Variants in CGNL1 observed in about 807,000 individuals in gnomAD.
CGNL1 encodes cingulin like 1.
CGNL1 carries 132 observed loss-of-function variants against 141.2 expected under a neutral mutation model. That is an observed-to-expected ratio of 0.93 (90% CI 0.81 to 1.08). CGNL1 has a LOEUF of 1.08. CGNL1 is among the 50% of genes least tolerant of loss of function. The pLI is 0.00. For synonymous variants in CGNL1, 690 were observed against 622.1 expected, an observed-to-expected ratio of 1.11 and a Z score of -1.63; for missense variants, 1,870 against 1,588.6, an observed-to-expected ratio of 1.18 and a Z score of -3.01.
chr15:57,523,614 C>A lies in CGNL1; in HGVS notation c.2841C>A (p.Gly947=). 1.2e-6 allele frequency: 2 copies of A among 1,614,044 alleles called. No individual in the cohort carries two copies. Among genetic ancestry groups the A allele is most frequent in the African/African-American group, 1.3e-5 (1 of 74,980 alleles). The part of the protein sequence containing the change: ...NEMENERWHL[G]KTIEKLQKEM... ...TGGAGAATGAGCGGTGGCACCTGGG[C>A]AAAACCATTGAGAAACTGCAGAAGG... Residue 947 remains glycine (G), a synonymous_variant, in exon 11 of 19, where the codon GGC becomes GGA. Transcript: ENST00000281282.
At chr15:57,418,968 C>T (rs927234221) in intron 1 of CGNL1, among the ~76,000 whole-genome samples, 1 of 151,730 alleles carries the variant, frequency 6.6e-6, no homozygotes, top group Non-Finnish European at 1.5e-5. Flanking sequence ...TGCTCTGTCG[C>T]TCAGGCTGGT....
chr15:57,441,286 G>A (rs1325359384), intron 3 of CGNL1, among the ~76,000 whole-genome samples: 1 of 152,054 alleles, frequency 6.6e-6, no homozygotes, highest in Non-Finnish European at 1.5e-5. Flanking sequence ...ATCTAGCTAA[G>A]AACTGGTTAT....
intron 8 of CGNL1, among the ~76,000 whole-genome samples, chr15:57,512,055 T>G (rs971664945): frequency 1.6e-4 from 24 of 152,204 alleles, no homozygotes; most frequent in African/African-American, 5.8e-4. Flanking sequence ...AACTTCCACT[T>G]GAGTTGCTCT....
intron 8 of CGNL1, chr15:57,477,528 A>C (rs894340002): frequency 5.3e-5 from 8 of 152,180 alleles, no homozygotes; most frequent in African/African-American, 1.9e-4. Context: ...ATGACCCTAA[A>C]CTTGAGTCCA....
intron 10 of CGNL1, 29 bp from the exon 11 acceptor site, chr15:57,523,460 C>T: frequency 1.9e-6 from 3 of 1,612,664 alleles, no homozygotes; most frequent in Non-Finnish European, 2.5e-6. Flanking sequence ...TAGTAGGTGA[C>T]AGCACTGTCC....
intron 1 of CGNL1, among the ~76,000 whole-genome samples, chr15:57,386,494 G>A (rs1312374427): frequency 6.6e-6 from 1 of 152,178 alleles, no homozygotes; most frequent in Admixed American, 6.5e-5. Flanking sequence ...TACGGGCATA[G>A]TAGGAGGCCC....
chr15:57,466,145 T>A (rs1402412015), intron 8 of CGNL1, among the ~76,000 whole-genome samples: 2 of 152,190 alleles, frequency 1.3e-5, no homozygotes, highest in African/African-American at 4.8e-5. Context: ...GTTAGGAGAG[T>A]ATATCTACCA....
chr15:57,502,799 G>A (rs1485163525), intron 8 of CGNL1, among the ~76,000 whole-genome samples: 1 of 152,154 alleles, frequency 6.6e-6, no homozygotes, highest in Non-Finnish European at 1.5e-5. Context: ...ATCAATGGTG[G>A]ATACTTCAAT....
chr15:57,441,311 G>A (rs1265462873), intron 3 of CGNL1, among the ~76,000 whole-genome samples: 2 of 152,006 alleles, frequency 1.3e-5, no homozygotes, highest in African/African-American at 4.8e-5. Flanking sequence ...ATCTCCCTGT[G>A]GAAGACTTTA....
At chr15:57,456,728 T>A (rs1456642585) in intron 7 of CGNL1, among the ~76,000 whole-genome samples, 1 of 152,030 alleles carries the variant, frequency 6.6e-6, no homozygotes. Context: ...GGGTGACAGG[T>A]CAACGTGAGA....
At chr15:57,416,560 T>C (rs1442480280) in intron 1 of CGNL1, among the ~76,000 whole-genome samples, 1 of 152,208 alleles carries the variant, frequency 6.6e-6, no homozygotes, top group Non-Finnish European at 1.5e-5. Flanking sequence ...GCCATCTTGC[T>C]TCTGTTTTGA....
At chr15:57,401,724 G>T (rs915440476) in intron 1 of CGNL1, among the ~76,000 whole-genome samples, 2 of 152,032 alleles carry the variant, frequency 1.3e-5, no homozygotes, top group Non-Finnish European at 2.9e-5. Context: ...TCCTTATGAC[G>T]CATTCTGTGG....
chr15:57,383,292 CTTTT>C (rs59213732), intron 1 of CGNL1, among the ~76,000 whole-genome samples: 1 of 109,602 alleles, frequency 9.1e-6, no homozygotes, highest in Admixed American at 9.0e-5. Flanking sequence ...TTCTTTCTTC[CTTTT>C]TTTTTTTTTG....
intron 1 of CGNL1, among the ~76,000 whole-genome samples, chr15:57,410,886 A>G (rs1437007739): frequency 1.3e-5 from 2 of 152,218 alleles, no homozygotes; most frequent in African/African-American, 4.8e-5. Flanking sequence ...GTCTTGTCAG[A>G]TTCAGTGGGG....
intron 7 of CGNL1, 114 bp downstream of exon 7, chr15:57,453,932 T>G: frequency 8.4e-7 from 1 of 1,188,240 alleles, no homozygotes. Context: ...CTGCTCCACC[T>G]GTGCTCTTAT....
intron 9 of CGNL1, among the ~76,000 whole-genome samples, chr15:57,517,470 A>G (rs2030906826): frequency 6.6e-6 from 1 of 152,244 alleles, no homozygotes; most frequent in Non-Finnish European, 1.5e-5. Context: ...AGGAAAGGGC[A>G]GCTGACAATG....
intron 4 of CGNL1, among the ~76,000 whole-genome samples, 180 bp downstream of exon 4, chr15:57,442,658 A>AC (rs1221803488): frequency 6.6e-6 from 1 of 152,086 alleles, no homozygotes; most frequent in Admixed American, 6.5e-5. Context: ...AGTCTCTGTC[A>AC]CCCTGGCTGG....
At chr15:57,432,554 C>T (rs1277632017) in intron 1 of CGNL1, among the ~76,000 whole-genome samples, 6 of 152,218 alleles carry the variant, frequency 3.9e-5, no homozygotes, top group African/African-American at 1.4e-4. Flanking sequence ...CACAATGTTG[C>T]ATCCTGGCGA....
Position 57,397,340 on chromosome 15 carries a change from C to T in CGNL1, c.-16+20773C>T, listed in dbSNP as rs187895965. On this transcript the variant is annotated intron_variant, in intron 1 of 18. Transcript: ENST00000281282. ...ATCAGCCTGTGACCCACAGGGGACC[C>T]GCAGGCCTTTGTGGAGGCTGCCTCC... is the stretch of plus-strand genomic sequence containing the variant. 2.6e-5 allele frequency among the ~76,000 whole-genome samples: 4 copies of T among 152,224 alleles called. No homozygotes were observed. The East Asian group carries it at 5.8e-4, about 22-fold the overall frequency.
Sources: allele counts gnomAD v4.1 joint callset (sites outside exome capture counted in the v4.1 genomes callset), GRCh38; gene constraint gnomAD v4.1.1; transcripts MANE v1.5; gene names NCBI Gene and HGNC (gene_info 2026-07-23, HGNC 2026-07-21).